The following CEP126 variants were observed in gnomAD, a reference collection of about 807,000 sequenced individuals.
CEP126 encodes the protein centrosomal protein 126.
In CEP126, 74 loss-of-function variants were observed where a neutral mutation model predicts 107.8. The ratio of observed to expected loss-of-function variants is 0.69; its 90% CI spans 0.57 to 0.83. The LOEUF is 0.83. Among genes scored for constraint, CEP126 ranks in the 40% least tolerant of loss-of-function variants. The pLI is 0.00. For missense variants in CEP126, 1,237 were observed against 1,281.9 expected, an observed-to-expected ratio of 0.96 and a Z score of 0.53; for synonymous variants, 449 against 446.0, an observed-to-expected ratio of 1.01 and a Z score of -0.08.
At chr11:101,965,922 A>G (rs1941052554) in intron 6 of CEP126, among the ~76,000 whole-genome samples, 1 of 152,160 alleles carries the variant, frequency 6.6e-6, no homozygotes, top group Non-Finnish European at 1.5e-5. Context: ...AGCAAATATC[A>G]TATATCACAC....
rs1459552108 is a variant in CEP126 at position 101,915,331 on chromosome 11, G to A, written c.47G>A (p.Gly16Asp). Residue 16 changes from glycine (G) to aspartate (D), a missense_variant, in exon 1 of 11, where the codon GGC (glycine) becomes GAC (aspartate). Gly to Asp is a moderately conservative substitution (Grantham distance 94, BLOSUM62 -1). Coordinates refer to ENST00000263468, the MANE Select transcript of CEP126 (RefSeq NM_020802.4). Reference protein sequence around the residue: ...PGTRSAVGELGTESSDNLDRA... With the variant: ...PGTRSAVGELDTESSDNLDRA... ...ACCCGGAGCGCGGTCGGGGAACTGGGCACTGAATCATCGGACAACCTCGAC... is the reference window on the plus strand; with the variant it reads ...ACCCGGAGCGCGGTCGGGGAACTGGACACTGAATCATCGGACAACCTCGAC... The A allele has an allele frequency of 6.2e-7, 1 of 1,613,980 alleles. No individual in the cohort carries two copies. Among genetic ancestry groups the A allele is most frequent in the East Asian group, 2.2e-5 (1 of 44,872 alleles).
At chr11:101,975,200 C>G (rs950292290) in intron 6 of CEP126, among the ~76,000 whole-genome samples, 1 of 151,998 alleles carries the variant, frequency 6.6e-6, no homozygotes, top group Non-Finnish European at 1.5e-5. Context: ...AAGCATAATA[C>G]AGTGCTTTTT....
intron 6 of CEP126, among the ~76,000 whole-genome samples, chr11:101,972,794 C>A (rs1254429145): frequency 6.6e-6 from 1 of 151,954 alleles, no homozygotes; most frequent in Admixed American, 6.6e-5. Context: ...GAGTGAGACT[C>A]CATCTAAAAA....
chr11:101,956,135 A>G (rs1407792132), intron 4 of CEP126: 16 of 456,414 alleles, frequency 3.5e-5, no homozygotes, highest in South Asian at 2.2e-4. Flanking sequence ...GAGTTCTCCA[A>G]TCATTCCTGA....
chr11:101,978,929 G>C (rs1472297649), intron 7 of CEP126, among the ~76,000 whole-genome samples: 1 of 152,128 alleles, frequency 6.6e-6, no homozygotes, highest in Non-Finnish European at 1.5e-5. Context: ...AGGAGTTCAA[G>C]ACCAGCCTGA....
chr11:101,956,403 C>G (rs1452735204), intron 4 of CEP126: 1 of 456,320 alleles, frequency 2.2e-6, no homozygotes, highest in African/African-American at 2.0e-5. Context: ...AGCTTGGATC[C>G]TTTTCAGTCA....
At chr11:101,916,622 A>C (rs965238403) in intron 1 of CEP126, 19 of 152,192 alleles carry the variant, frequency 1.2e-4, no homozygotes, top group African/African-American at 4.1e-4. Context: ...CATTTTCTGT[A>C]TGGATTTAAT....
intron 2 of CEP126, among the ~76,000 whole-genome samples, chr11:101,930,261 A>G (rs1940475760): frequency 6.6e-6 from 1 of 151,774 alleles, no homozygotes; most frequent in Non-Finnish European, 1.5e-5. Context: ...TCTTATATAA[A>G]ATAGTGAACT....
chr11:101,952,915 G>A (rs932728597), intron 4 of CEP126, among the ~76,000 whole-genome samples: 1 of 152,170 alleles, frequency 6.6e-6, no homozygotes, highest in African/African-American at 2.4e-5. Flanking sequence ...TTAGAGACCA[G>A]AAAACAGTGC....
chr11:101,997,548 G>T, intron 10 of CEP126, 51 bp from the exon 11 acceptor site: 1 of 1,613,270 alleles, frequency 6.2e-7, no homozygotes, highest in Non-Finnish European at 8.5e-7. Context: ...GTTTGTAGCT[G>T]CAGTGTTTTG....
At chr11:101,926,781 T>C (rs1940418219) in intron 2 of CEP126, among the ~76,000 whole-genome samples, 1 of 152,232 alleles carries the variant, frequency 6.6e-6, no homozygotes, top group African/African-American at 2.4e-5. Flanking sequence ...TAAAATACAA[T>C]GCATATTTCT....
chr11:101,986,739 C>T (rs1941320264), intron 8 of CEP126, 93 bp from the exon 9 acceptor site: 1 of 834,960 alleles, frequency 1.2e-6, no homozygotes, highest in Non-Finnish European at 2.0e-6. Flanking sequence ...TACATACAGA[C>T]AGTTAAGCAT....
chr11:101,979,660 C>T (rs769513184), intron 7 of CEP126, among the ~76,000 whole-genome samples: 1 of 152,152 alleles, frequency 6.6e-6, no homozygotes, highest in African/African-American at 2.4e-5. Flanking sequence ...GATGCATGAG[C>T]CCAGGAGTTT....
chr11:101,964,390 TG>T (rs1040851659), intron 6 of CEP126, among the ~76,000 whole-genome samples: 1 of 152,062 alleles, frequency 6.6e-6, no homozygotes, highest in African/African-American at 2.4e-5. Context: ...CCCAGCACTT[TG>T]GGAGGCCAAG....
At chr11:101,937,008 G>T (rs1258204101) in intron 2 of CEP126, among the ~76,000 whole-genome samples, 1 of 152,092 alleles carries the variant, frequency 6.6e-6, no homozygotes, top group East Asian at 1.9e-4. Flanking sequence ...TAGACTTTTG[G>T]AATATTTGTA....
intron 2 of CEP126, among the ~76,000 whole-genome samples, chr11:101,931,955 T>C (rs1203043434): frequency 6.6e-6 from 1 of 152,226 alleles, no homozygotes; most frequent in Non-Finnish European, 1.5e-5. Flanking sequence ...TGAGCCAAGG[T>C]GCTCTACATG....
chr11:101,936,830 T>A (rs1940588077), intron 2 of CEP126, among the ~76,000 whole-genome samples: 1 of 152,204 alleles, frequency 6.6e-6, no homozygotes, highest in Admixed American at 6.5e-5. Context: ...CACTTCCCTC[T>A]TTTTTGTCAA....
rs749901367 is a variant in CEP126 at position 101,986,897 on chromosome 11, G to A, written c.3100G>A (p.Glu1034Lys). The stretch of plus-strand genomic sequence containing the variant: ...AGTGAAAGCATCAGTGCCGGAGGAT[G>A]AGATTCTGACTGTCTTGAATAGCAA... Reference protein sequence around the residue: ...NLVKASVPEDEILTVLNSKQI... With the variant: ...NLVKASVPEDKILTVLNSKQI... Residue 1034 changes from glutamate to lysine, a missense_variant, in exon 9 of 11, where the codon GAG (glutamate) becomes AAG (lysine). By Grantham distance (56) the Glu-to-Lys change is moderately conservative. Coordinates refer to ENST00000263468, the MANE Select transcript of CEP126 (RefSeq NM_020802.4). 28 of 1,613,746 alleles carry A rather than the reference G, an allele frequency of 1.7e-5. No individual in the cohort carries two copies. The highest frequency in any genetic ancestry group is 1.6e-4 in the Middle Eastern group (1 of 6,078).
chr11:101,922,699 C>T lies in CEP126; in HGVS notation c.187C>T (p.Gln63Ter), dbSNP rs2137078860. 6.2e-7 allele frequency: 1 copy of T among 1,611,758 alleles called. No homozygotes were observed. Among genetic ancestry groups the T allele is most frequent in the Middle Eastern group, 1.7e-4 (1 of 6,056 alleles). Residue 63 changes from glutamine (Q) to a stop codon, truncating the protein, a stop_gained, in exon 2 of 11, where the codon CAA becomes TAA. Coordinates refer to ENST00000263468, the MANE Select transcript of CEP126 (RefSeq NM_020802.4). LOFTEE classifies it high-confidence loss of function. ...AGAAGAGCGCCAGATATTACTGCAG[C>T]AACAAAAAATATGTCGAAATCGAGC... ...LEEERQILLQQQKICRNRARK... is the reference protein window; with the variant it reads ...LEEERQILLQ
Sources: allele counts gnomAD v4.1 joint callset (sites outside exome capture counted in the v4.1 genomes callset), GRCh38; gene constraint gnomAD v4.1.1; transcripts MANE v1.5; gene names NCBI Gene and HGNC (gene_info 2026-07-23, HGNC 2026-07-21).